Variants in EBF2 observed in about 807,000 individuals in gnomAD.
The protein encoded by EBF2 is transcription factor COE2.
Under a neutral mutation model 72.8 loss-of-function variants are expected in EBF2, and 21 were observed. The observed-to-expected ratio is 0.29, with a 90% CI of 0.20 to 0.42. The LOEUF (loss-of-function observed/expected upper bound fraction) is 0.42, where lower values mean the gene tolerates loss of function less well. Ranked by LOEUF, EBF2 falls within the 10% of genes least tolerant of loss-of-function variation. The probability of loss-of-function intolerance (pLI) is 1.00; values close to 1 mark genes in which losing one functional copy is unlikely to be tolerated. For synonymous variants in EBF2, 299 were observed against 274.2 expected (o/e 1.09, Z -0.89); for missense variants, 637 against 731.2 (o/e 0.87, Z 1.49).
intron 6 of EBF2, among the ~76,000 whole-genome samples, chr8:25,925,213 C>A (rs972949713): frequency 6.6e-6 from 1 of 152,114 alleles, no homozygotes; most frequent in Admixed American, 6.5e-5. Context: ...ATTCTGACAT[C>A]TTTTCCCTTG....
intron 6 of EBF2, among the ~76,000 whole-genome samples, chr8:25,945,088 G>GCCCCCCCCCCCCC (rs11461828): frequency 5.0e-3 from 640 of 127,342 alleles, no homozygotes; most frequent in Middle Eastern, 0.016. Context: ...TTGTTCTGTT[G>GCCCCCCCCCCCCC]CCCCCCCCGC....
At chr8:25,908,952 G>A (rs1037698758) in intron 6 of EBF2, among the ~76,000 whole-genome samples, 6 of 152,110 alleles carry the variant, frequency 3.9e-5, no homozygotes, top group African/African-American at 9.7e-5. Flanking sequence ...ATCCCAGGGC[G>A]TCTCGTCTGT....
chr8:25,941,268 C>G (rs1302556548), intron 6 of EBF2, among the ~76,000 whole-genome samples: 2 of 149,536 alleles, frequency 1.3e-5, no homozygotes, highest in Non-Finnish European at 3.0e-5. Flanking sequence ...TGCAGTGGAG[C>G]AATCTTGGTT....
intron 6 of EBF2, among the ~76,000 whole-genome samples, chr8:25,917,612 C>T (rs1803240831): frequency 2.0e-5 from 3 of 152,304 alleles, no homozygotes; most frequent in East Asian, 3.9e-4. Context: ...AAAATCTTTC[C>T]GTGAGACTTC....
chr8:26,018,679 A>G (rs910232155), intron 6 of EBF2, among the ~76,000 whole-genome samples: 1 of 151,872 alleles, frequency 6.6e-6, no homozygotes, highest in African/African-American at 2.4e-5. Context: ...TCAAAAAAAA[A>G]GAAGTGAGAG....
intron 6 of EBF2, among the ~76,000 whole-genome samples, chr8:26,022,236 G>A (rs535276114): frequency 1.3e-5 from 2 of 152,264 alleles, no homozygotes; most frequent in South Asian, 2.1e-4. Flanking sequence ...TGAGTCTTTG[G>A]CCAGCTACAC....
At chr8:25,972,165 G>C (rs1323008397) in intron 6 of EBF2, among the ~76,000 whole-genome samples, 1 of 152,178 alleles carries the variant, frequency 6.6e-6, no homozygotes, top group Non-Finnish European at 1.5e-5. Context: ...TGCTGACCTG[G>C]AGCGGGGCTT....
intron 6 of EBF2, among the ~76,000 whole-genome samples, chr8:25,943,967 G>A (rs903911311): frequency 1.3e-5 from 2 of 152,182 alleles, no homozygotes; most frequent in Non-Finnish European, 2.9e-5. Flanking sequence ...TGAGAACAGG[G>A]TCCCAGTTGT....
At chr8:25,997,571 C>CAAAAAAAAAA (rs11302993) in intron 6 of EBF2, among the ~76,000 whole-genome samples, 1 of 130,194 alleles carries the variant, frequency 7.7e-6, no homozygotes. Flanking sequence ...GATCCTATCT[C>CAAAAAAAAAA]AAAAAAAAAA....
At chr8:25,952,940 T>C (rs567153118) in intron 6 of EBF2, among the ~76,000 whole-genome samples, 52 of 152,348 alleles carry the variant, frequency 3.4e-4, no homozygotes, top group Non-Finnish European at 6.9e-4. Context: ...ATATTTCTTG[T>C]ACTTCTTTCC....
Position 25,956,354 on chromosome 8 carries a change from G to A in EBF2, c.552-47799C>T, listed in dbSNP as rs553703258. On this transcript the variant is annotated intron_variant, in intron 6 of 15. Transcript: ENST00000520164. ...TGGGAGGTGGAGGTTGCAGTGAGCC[G>A]AGATCGCATCATTGTACTCCAGCCT... Among the ~76,000 whole-genome samples, 9 of 151,464 alleles carry A rather than the reference G, an allele frequency of 5.9e-5. No homozygotes were observed. The South Asian group carries it at 1.0e-3, about 18-fold the overall frequency.
intron 6 of EBF2, among the ~76,000 whole-genome samples, chr8:26,023,728 C>A (rs1012491020): frequency 1.3e-5 from 2 of 152,090 alleles, no homozygotes; most frequent in South Asian, 2.1e-4. Flanking sequence ...AAAGAAGACA[C>A]GTACTCATGG....
At position 25,889,831 on chromosome 8, in the gene EBF2, G is replaced by C. The variant is rs1472739457; in HGVS notation, c.672C>G (p.Val224=). Residue 224 remains valine, a synonymous_variant, in exon 8 of 16, where the codon GTC becomes GTG. Transcript: ENST00000520164. ...CAAACATGTTGTCAGAAACAGCCAG[G>C]ACGTGTCCATCCACATTCACCGTTG... ...LSTTVNVDGH[V]LAVSDNMFVH... is the part of the protein sequence containing the mutation. 1 of 1,613,986 alleles carries C rather than the reference G, an allele frequency of 6.2e-7. No individual in the cohort carries two copies. The highest frequency in any genetic ancestry group is 8.5e-7 in the Non-Finnish European group (1 of 1,179,938).
chr8:25,888,022 A>G (rs917047536), intron 8 of EBF2, 50 bp from the exon 9 acceptor site: 1 of 1,542,122 alleles, frequency 6.5e-7, no homozygotes, highest in African/African-American at 1.4e-5. Context: ...ATGGGTGTCC[A>G]ACTTTTTGGC....
At chr8:26,008,614 G>A (rs1479182411) in intron 6 of EBF2, among the ~76,000 whole-genome samples, 1 of 152,162 alleles carries the variant, frequency 6.6e-6, no homozygotes, top group Non-Finnish European at 1.5e-5. Flanking sequence ...GCTAAGTGCA[G>A]TTAGAAGAAT....
chr8:25,946,274 G>A (rs1211770723), intron 6 of EBF2, among the ~76,000 whole-genome samples: 1 of 152,226 alleles, frequency 6.6e-6, no homozygotes, highest in Non-Finnish European at 1.5e-5. Flanking sequence ...AGCAGGCCAA[G>A]GAGTGTGCAT....
intron 6 of EBF2, among the ~76,000 whole-genome samples, chr8:25,937,558 C>T (rs966267220): frequency 6.6e-6 from 1 of 152,118 alleles, no homozygotes; most frequent in African/African-American, 2.4e-5. Context: ...TTGACATGGG[C>T]GATGGGGCGG....
chr8:25,934,819 A>C (rs1563405706), intron 6 of EBF2, among the ~76,000 whole-genome samples: 2 of 152,154 alleles, frequency 1.3e-5, no homozygotes, highest in Non-Finnish European at 2.9e-5. Context: ...TTTTGAAAAA[A>C]TCCTTATTAA....
chr8:25,874,854 T>G (rs1217022654), intron 10 of EBF2, among the ~76,000 whole-genome samples: 2 of 70,314 alleles, frequency 2.8e-5, no homozygotes, highest in Non-Finnish European at 5.2e-5. Context: ...CCTGGCTAAC[T>G]TTTTTTTTTT....
Sources: allele counts gnomAD v4.1 joint callset (sites outside exome capture counted in the v4.1 genomes callset), GRCh38; gene constraint gnomAD v4.1.1; transcripts MANE v1.5; gene names NCBI Gene and HGNC (gene_info 2026-07-23, HGNC 2026-07-21).